PRKCB: variants seen among roughly 807,000 people sequenced by gnomAD.
The protein encoded by PRKCB is protein kinase C beta.
A neutral mutation model predicts 81.5 loss-of-function variants in PRKCB; 13 were observed. That is an observed-to-expected ratio of 0.16 (90% CI 0.10 to 0.25). PRKCB has a LOEUF of 0.25. Ranked by LOEUF, PRKCB falls within the 10% of genes least tolerant of loss-of-function variation. PRKCB has a pLI of 1.00. For missense variants in PRKCB, 509 were observed against 875.7 expected (o/e 0.58, Z 5.29); for synonymous variants, 335 against 321.4 (o/e 1.04, Z -0.45).
At chr16:23,983,486 G>C (rs1008820864) in intron 2 of PRKCB, among the ~76,000 whole-genome samples, 2 of 152,168 alleles carry the variant, frequency 1.3e-5, no homozygotes, top group African/African-American at 4.8e-5. Flanking sequence ...AAATATCCAG[G>C]CTGGTGGGAT....
intron 9 of PRKCB, among the ~76,000 whole-genome samples, chr16:24,150,041 C>T (rs1047563473): frequency 2.0e-5 from 3 of 152,236 alleles, no homozygotes; most frequent in African/African-American, 4.8e-5. Flanking sequence ...TAGAAAAGGA[C>T]CACGCTAGGC....
chr16:24,216,452 C>T lies in PRKCB; in HGVS notation c.*1636C>T. 1.0e-6 allele frequency: 1 copy of T among 985,448 alleles called. No individual in the cohort carries two copies. Among genetic ancestry groups the T allele is most frequent in the Non-Finnish European group, 1.2e-6 (1 of 829,936 alleles). 61.0% of individuals were successfully genotyped at this position (985,448 alleles called of 1,614,324 possible). A position where few individuals can be genotyped will look rare whatever the true frequency, so the allele number is the denominator to read the frequency against. On this transcript the variant is annotated 3_prime_UTR_variant, in exon 17 of 17. Coordinates refer to ENST00000643927, the MANE Select transcript of PRKCB (RefSeq NM_002738.7). ...GACTCCCCCTCCTCGCCTGCCGTGTCCTGCTATTCTCAGGCAGCTCTAAGG... is the reference window on the plus strand; with the variant it reads ...GACTCCCCCTCCTCGCCTGCCGTGTTCTGCTATTCTCAGGCAGCTCTAAGG...
intron 13 of PRKCB, among the ~76,000 whole-genome samples, chr16:24,184,236 G>C (rs534729474): frequency 6.6e-5 from 10 of 152,196 alleles, no homozygotes; most frequent in Admixed American, 2.0e-4. Flanking sequence ...GGCCAAGATG[G>C]GAGCTTTGCT....
At chr16:24,082,344 T>C (rs1025111769) in intron 5 of PRKCB, among the ~76,000 whole-genome samples, 1 of 152,220 alleles carries the variant, frequency 6.6e-6, no homozygotes, top group African/African-American at 2.4e-5. Context: ...ATTTTTTGTA[T>C]GTTTGGACAC....
At chr16:23,952,872 A>C (rs1404207156) in intron 2 of PRKCB, among the ~76,000 whole-genome samples, 2 of 152,184 alleles carry the variant, frequency 1.3e-5, no homozygotes, top group Admixed American at 1.3e-4. Context: ...CTCAGGAGCT[A>C]TGGGAGTGTT....
chr16:23,892,468 G>A (rs1387408259), intron 2 of PRKCB, among the ~76,000 whole-genome samples: 1 of 152,152 alleles, frequency 6.6e-6, no homozygotes, highest in Non-Finnish European at 1.5e-5. Flanking sequence ...TTAATCTTAA[G>A]GGATGAGCCT....
intron 2 of PRKCB, among the ~76,000 whole-genome samples, chr16:23,973,238 G>A (rs1325195656): frequency 6.6e-6 from 1 of 151,242 alleles, no homozygotes; most frequent in East Asian, 2.0e-4. Flanking sequence ...CTGGAGTGCA[G>A]TGGCACAATC....
At chr16:23,939,537 C>A (rs1372780759) in intron 2 of PRKCB, among the ~76,000 whole-genome samples, 1 of 152,126 alleles carries the variant, frequency 6.6e-6, no homozygotes, top group Non-Finnish European at 1.5e-5. Flanking sequence ...GAATAGATAA[C>A]CCAGAAATAC....
intron 2 of PRKCB, among the ~76,000 whole-genome samples, chr16:23,909,327 C>G (rs1369688959): frequency 6.6e-6 from 1 of 152,082 alleles, no homozygotes; most frequent in East Asian, 1.9e-4. Flanking sequence ...GCTTAAGTGA[C>G]GGAAATGTAT....
intron 4 of PRKCB, among the ~76,000 whole-genome samples, chr16:24,032,683 G>A (rs971124681): frequency 5.9e-5 from 9 of 152,122 alleles, no homozygotes; most frequent in Non-Finnish European, 8.8e-5. Context: ...CCTAGCCTCC[G>A]TGCATGCACG....
chr16:24,137,806 T>C (rs759947899), intron 9 of PRKCB, among the ~76,000 whole-genome samples: 4 of 152,234 alleles, frequency 2.6e-5, no homozygotes, highest in Admixed American at 6.5e-5. Flanking sequence ...ATTGTAATCA[T>C]CCAACACCCA....
At chr16:23,891,876 G>T (rs553584303) in intron 2 of PRKCB, among the ~76,000 whole-genome samples, 1 of 152,184 alleles carries the variant, frequency 6.6e-6, no homozygotes, top group East Asian at 1.9e-4. Flanking sequence ...AATTTTGCAG[G>T]CTCGGACCAG....
chr16:23,905,035 T>C (rs1220349076), intron 2 of PRKCB, among the ~76,000 whole-genome samples: 1 of 123,982 alleles, frequency 8.1e-6, no homozygotes, highest in African/African-American at 3.2e-5. Flanking sequence ...ATTGGTCCTT[T>C]TTTTTTCTTT....
chr16:23,855,050 T>G (rs529919215), intron 2 of PRKCB, among the ~76,000 whole-genome samples: 87 of 152,080 alleles, frequency 5.7e-4, no homozygotes, highest in African/African-American at 2.0e-3. Context: ...CATCAAATAC[T>G]ACCGTTACTA....
chr16:24,021,072 C>CTCCTTTCTTTCTTTCTTTCTTTCT lies in PRKCB; in HGVS notation c.289-11063_289-11062insCCTTTCTTTCTTTCTTTCTTTCTT. Among the ~76,000 whole-genome samples, 55 of 94,472 alleles carry CTCCTTTCTTTCTTTCTTTCTTTCT rather than the reference C, an allele frequency of 5.8e-4. 2 individuals are homozygous for CTCCTTTCTTTCTTTCTTTCTTTCT. Among genetic ancestry groups the CTCCTTTCTTTCTTTCTTTCTTTCT allele is most frequent in the South Asian group, 1.5e-3 (4 of 2,726 alleles). 62.0% of individuals were successfully genotyped at this position (94,472 alleles called of 152,430 possible). On this transcript the variant is annotated intron_variant, in intron 3 of 16. Coordinates refer to ENST00000643927, the MANE Select transcript of PRKCB (RefSeq NM_002738.7). ...TTTCTTTCTTTCCCTCCCTCCCTCC[C>CTCCTTTCTTTCTTTCTTTCTTTCT]TTCTTTCTTTCTTTCTTTTTTTCTT...
chr16:24,069,772 G>T (rs1966084363), intron 5 of PRKCB, among the ~76,000 whole-genome samples: 2 of 152,094 alleles, frequency 1.3e-5, no homozygotes, highest in South Asian at 4.1e-4. Context: ...ACAGTGCCTG[G>T]CATATAGTAT....
At chr16:23,983,450 G>A (rs1323286482) in intron 2 of PRKCB, among the ~76,000 whole-genome samples, 1 of 152,170 alleles carries the variant, frequency 6.6e-6, no homozygotes, top group Non-Finnish European at 1.5e-5. Flanking sequence ...CCTACCTAAA[G>A]TGACCTTGTC....
At chr16:23,896,221 A>G (rs1272149278) in intron 2 of PRKCB, among the ~76,000 whole-genome samples, 1 of 152,194 alleles carries the variant, frequency 6.6e-6, no homozygotes, top group Non-Finnish European at 1.5e-5. Flanking sequence ...TGCTATTGAC[A>G]CATGCATTAT....
intron 3 of PRKCB, among the ~76,000 whole-genome samples, chr16:24,003,056 T>C (rs1459001154): frequency 6.6e-6 from 1 of 152,162 alleles, no homozygotes; most frequent in East Asian, 1.9e-4. Flanking sequence ...GCTGCTCCTC[T>C]ACAGATCATC....
Sources: allele counts gnomAD v4.1 joint callset (sites outside exome capture counted in the v4.1 genomes callset), GRCh38; gene constraint gnomAD v4.1.1; transcripts MANE v1.5; gene names NCBI Gene and HGNC (gene_info 2026-07-23, HGNC 2026-07-21).